The following MEX3C variants were observed in gnomAD, a reference collection of about 807,000 sequenced individuals.
MEX3C encodes the protein RNA-binding E3 ubiquitin-protein ligase MEX3C.
MEX3C carries 15 observed loss-of-function variants against 35.5 expected under a neutral mutation model. The observed-to-expected ratio is 0.42, with a 90% CI of 0.28 to 0.65. The LOEUF (loss-of-function observed/expected upper bound fraction) is 0.65. Ranked by LOEUF, MEX3C falls within the 30% of genes least tolerant of loss-of-function variation. The probability of loss-of-function intolerance (pLI) is 0.20; values close to 1 mark genes in which losing one functional copy is unlikely to be tolerated. For synonymous variants in MEX3C, 390 were observed against 352.8 expected, an observed-to-expected ratio of 1.11 and a Z score of -1.18; for missense variants, 711 against 842.8, an observed-to-expected ratio of 0.84 and a Z score of 1.94.
Position 51,196,868 on chromosome 18 carries a change from G to T in MEX3C, c.453C>A (p.Ala151=). Residue 151 remains alanine, a synonymous_variant, in exon 1 of 2, where the codon GCC becomes GCA. Transcript: ENST00000406189. The part of the protein sequence containing the change: ...LLLLSPPAAT[A]SQTQQIPGGS... ...CGCCCGGGATCTGCTGGGTCTGAGA[G>T]GCGGTGGCCGCGGGCGGCGACAGCA... is the stretch of plus-strand genomic sequence containing the variant. The T allele has an allele frequency of 6.5e-7, 1 of 1,539,800 alleles. No individual in the cohort carries two copies. Among genetic ancestry groups the T allele is most frequent in the Non-Finnish European group, 8.7e-7 (1 of 1,145,620 alleles).
At chr18:51,179,845 C>G (rs948831662) in intron 1 of MEX3C, among the ~76,000 whole-genome samples, 1 of 152,180 alleles carries the variant, frequency 6.6e-6, no homozygotes, top group Non-Finnish European at 1.5e-5. Flanking sequence ...TGTATAAACA[C>G]AGAACTGGTC....
rs1195849717 is a variant in MEX3C, at chr18:51,196,675, C to T, written c.646G>A (p.Ala216Thr). The change falls in exon 1 of 2, where the codon GCC becomes ACC. Residue 216 changes from alanine (A) to threonine (T), a missense_variant. This residue lies in a region of MEX3C where 354 missense variants were observed against 311.6 expected (regional missense o/e 1.14). Transcript: ENST00000406189. ...AGGGCCGCCTGCTCCCCGTTCAGGGCGGCCGCCGCCGCCCCACAACCGCCG... is the reference window on the plus strand; with the variant it reads ...AGGGCCGCCTGCTCCCCGTTCAGGGTGGCCGCCGCCGCCCCACAACCGCCG... ...GPGGCGAAAAALNGEQAALLR... is the reference protein window; with the variant it reads ...GPGGCGAAAATLNGEQAALLR... 13 of 1,547,046 alleles carry T rather than the reference C, an allele frequency of 8.4e-6. 1 individual carries two copies. The highest frequency in any genetic ancestry group is 2.4e-5 in the South Asian group (2 of 84,892).
intron 1 of MEX3C, chr18:51,196,133 T>C (rs974599054): frequency 9.2e-5 from 19 of 207,374 alleles, no homozygotes; most frequent in Middle Eastern, 1.9e-3. Flanking sequence ...TTTCTCCATC[T>C]GAACAAGTTC....
At chr18:51,180,099 A>G (rs1240438698) in intron 1 of MEX3C, among the ~76,000 whole-genome samples, 1 of 150,706 alleles carries the variant, frequency 6.6e-6, no homozygotes, top group African/African-American at 2.4e-5. Context: ...TAAATAAAAG[A>G]AAAAAAAGGA....
At chr18:51,190,426 T>A (rs1428966125) in intron 1 of MEX3C, among the ~76,000 whole-genome samples, 1 of 152,210 alleles carries the variant, frequency 6.6e-6, no homozygotes, top group Non-Finnish European at 1.5e-5. Flanking sequence ...CCCTCCCCAC[T>A]TCCCCTTCAA....
chr18:51,185,091 G>A (rs142777942), intron 1 of MEX3C, among the ~76,000 whole-genome samples: 25 of 152,300 alleles, frequency 1.6e-4, no homozygotes, highest in African/African-American at 5.5e-4. Flanking sequence ...ACAGTTTGGT[G>A]GGTCAGACAT....
chr18:51,189,074 G>T (rs1409771754), intron 1 of MEX3C, among the ~76,000 whole-genome samples: 1 of 152,194 alleles, frequency 6.6e-6, no homozygotes, highest in South Asian at 2.1e-4. Context: ...GTGGAATTAA[G>T]AATGGATTAA....
chr18:51,180,684 T>C (rs966084197), intron 1 of MEX3C, among the ~76,000 whole-genome samples: 6 of 152,188 alleles, frequency 3.9e-5, no homozygotes, highest in Non-Finnish European at 2.9e-5. Flanking sequence ...GTTTTCACCA[T>C]GTTGGCCAGG....
At chr18:51,195,274 A>T (rs56124222) in intron 1 of MEX3C, 18,306 of 152,222 alleles carry the variant, frequency 0.12, 1,477 homozygotes, top group African/African-American at 0.23. Flanking sequence ...CATTAACCAG[A>T]AGAACGACAA....
At chr18:51,196,375 G>A in intron 1 of MEX3C, 192 bp downstream of exon 1, 3 of 1,277,258 alleles carry the variant, frequency 2.3e-6, no homozygotes, top group Non-Finnish European at 3.1e-6. Flanking sequence ...AGGCAAGACG[G>A]GCGGAAAAGC....
chr18:51,196,826 C>T lies in MEX3C; in HGVS notation c.495G>A (p.Val165=). 1 of 1,535,066 alleles carries T rather than the reference C, an allele frequency of 6.5e-7. No individual in the cohort carries two copies. The change falls in exon 1 of 2, where the codon GTG becomes GTA. Residue 165 remains valine (V), a synonymous_variant. Transcript: ENST00000406189. ...QQIPGGSLGS[V]LLPAARFDAR... ...CATCGAACCTGGCGGCTGGCAGCAG[C>T]ACAGACCCCAGGGACCCGCCCGGGA...
intron 1 of MEX3C, among the ~76,000 whole-genome samples, chr18:51,180,601 C>T (rs1210073522): frequency 6.6e-6 from 1 of 152,094 alleles, no homozygotes; most frequent in Non-Finnish European, 1.5e-5. Context: ...CCTCAGCCTC[C>T]CGAGTAGCTG....
chr18:51,196,801 C>G lies in MEX3C; in HGVS notation c.520G>C (p.Ala174Pro), dbSNP rs1171261555. ...SVLLPAARFD[A>P]REAAAAAAAA... ...GCCGCCGCGGCCGCCGCCTCCCGGG[C>G]ATCGAACCTGGCGGCTGGCAGCAGC... Residue 174 changes from alanine (A) to proline (P), a missense_variant, in exon 1 of 2, where the codon GCC (alanine) becomes CCC (proline). Around this residue, in one of 4 missense-constraint regions of MEX3C, gnomAD observed 354 missense variants for 311.6 expected, o/e 1.14. Transcript: ENST00000406189. 2.0e-6 allele frequency: 3 copies of G among 1,531,442 alleles called. No homozygotes were observed. In the East Asian group the frequency reaches 7.5e-5, roughly 38 times the overall value. The allele number at this position is 1,531,442 out of a possible 1,614,324, so 94.9% of individuals were successfully genotyped here.
At chr18:51,195,768 TTGTC>T (rs1912769862) in intron 1 of MEX3C, 1 of 152,264 alleles carries the variant, frequency 6.6e-6, no homozygotes, top group Non-Finnish European at 1.5e-5. Context: ...CACAGGTCCT[TTGTC>T]TGAACAATGT....
intron 1 of MEX3C, chr18:51,193,116 A>G (rs1278801143): frequency 1.3e-5 from 2 of 152,218 alleles, no homozygotes; most frequent in East Asian, 3.8e-4. Flanking sequence ...TTGTTAATAA[A>G]GAATTTTGTT....
At chr18:51,191,672 CA>C (rs2144557478) in intron 1 of MEX3C, among the ~76,000 whole-genome samples, 1 of 152,278 alleles carries the variant, frequency 6.6e-6, no homozygotes, top group South Asian at 2.1e-4. Flanking sequence ...TTTACCTTAA[CA>C]AAAGTAATGT....
intron 1 of MEX3C, among the ~76,000 whole-genome samples, chr18:51,186,141 C>T (rs1912532404): frequency 6.6e-6 from 1 of 152,176 alleles, no homozygotes; most frequent in South Asian, 2.1e-4. Flanking sequence ...CTGAACTTAC[C>T]CATTCACATG....
At position 51,176,327 on chromosome 18, in the gene MEX3C, T is replaced by C. The variant is rs749050644; in HGVS notation, c.*24A>G. On this transcript the variant is annotated 3_prime_UTR_variant, in exon 2 of 2. Transcript: ENST00000406189. ...GCCTTTACGAGTCCATATAGAGATATAGTATTTATGTATATATATATAGTT... is the reference window on the plus strand; with the variant it reads ...GCCTTTACGAGTCCATATAGAGATACAGTATTTATGTATATATATATAGTT... The C allele has an allele frequency of 2.3e-5, 36 of 1,564,560 alleles. No individual in the cohort carries two copies. In the Admixed American group the frequency reaches 3.3e-4, roughly 14 times the overall value.
Position 51,197,238 on chromosome 18 carries a change from G to A in MEX3C, c.83C>T (p.Pro28Leu), listed in dbSNP as rs1912833046. The change falls in exon 1 of 2, where the codon CCA becomes CTA. Residue 28 changes from proline to leucine, a missense_variant. Physicochemically the swap from Pro to Leu is moderately conservative, Grantham distance 98. Transcript: ENST00000406189. ...LPQPPPPPPP[P>L]PPPLPPPSGG... ...CGAGGGCGGCGGCAGAGGCGGCGGT[G>A]GCGGCGGCGGCGGCGGGGGCGGCTG... The A allele has an allele frequency of 3.2e-6, 3 of 938,640 alleles. No individual in the cohort carries two copies. Among genetic ancestry groups the A allele is most frequent in the African/African-American group, 1.8e-5 (1 of 55,522 alleles). The allele number at this position is 938,640 out of a possible 1,614,324, so 58.1% of individuals were successfully genotyped here. A position where few individuals can be genotyped will look rare whatever the true frequency, so the allele number is the denominator to read the frequency against.
Sources: gnomAD v4.1 joint callset for allele counts (sites outside exome capture counted in the v4.1 genomes callset) on GRCh38, gnomAD v4.1.1 for gene constraint, gnomAD v4.1.1 regional missense constraint, MANE v1.5 for transcripts, NCBI Gene and HGNC (gene_info 2026-07-23, HGNC 2026-07-21) for gene names.